Variants in MTG1 observed in about 807,000 individuals in gnomAD.
The protein encoded by MTG1 is mitochondrial ribosome-associated GTPase 1.
MTG1 carries 30 observed loss-of-function variants against 39.5 expected under a neutral mutation model. That is an observed-to-expected ratio of 0.76 (90% CI 0.57 to 1.03). MTG1 has a LOEUF of 1.03. Ranked by LOEUF, MTG1 falls within the 50% of genes least tolerant of loss-of-function variation. The probability of loss-of-function intolerance (pLI) is 0.00; values close to 1 mark genes in which losing one functional copy is unlikely to be tolerated. For synonymous variants in MTG1, 217 were observed against 179.0 expected, an observed-to-expected ratio of 1.21 and a Z score of -1.69; for missense variants, 513 against 447.4, an observed-to-expected ratio of 1.15 and a Z score of -1.32.
intron 9 of MTG1, among the ~76,000 whole-genome samples, chr10:133,409,349 G>A (rs1850012144): frequency 6.6e-6 from 1 of 152,136 alleles, no homozygotes; most frequent in African/African-American, 2.4e-5. Context: ...TGTAGTTTTT[G>A]AGGTTCCTCT....
intron 9 of MTG1, among the ~76,000 whole-genome samples, chr10:133,413,451 G>A (rs1173504938): frequency 2.0e-5 from 3 of 151,144 alleles, no homozygotes; most frequent in African/African-American, 4.9e-5. Flanking sequence ...TGGGAGTTTC[G>A]CCATGTTGGC....
chr10:133,399,329 G>C (rs1198777072), intron 5 of MTG1, 103 bp downstream of exon 5: 1 of 1,400,094 alleles, frequency 7.1e-7, no homozygotes, highest in South Asian at 1.2e-5. Flanking sequence ...CCCCAGGCAG[G>C]GAGGCCCCTC....
intron 9 of MTG1, among the ~76,000 whole-genome samples, chr10:133,406,765 A>C (rs1474426545): frequency 6.8e-6 from 1 of 147,916 alleles, no homozygotes; most frequent in Non-Finnish European, 1.5e-5. Flanking sequence ...TCCTGGGTTC[A>C]AGCAGTTCTC....
intron 3 of MTG1, 111 bp downstream of exon 3, chr10:133,396,378 C>G: frequency 2.1e-6 from 2 of 952,704 alleles, no homozygotes; most frequent in Non-Finnish European, 3.3e-6. Flanking sequence ...CCCAGGCAGG[C>G]TCTGCTTTAG....
chr10:133,418,084 G>C (rs892095438), intron 9 of MTG1, among the ~76,000 whole-genome samples: 1 of 152,158 alleles, frequency 6.6e-6, no homozygotes, highest in Non-Finnish European at 1.5e-5. Context: ...GCCCACTGCA[G>C]CCTCCACCTC....
chr10:133,404,310 A>G (rs1849936472), intron 9 of MTG1, among the ~76,000 whole-genome samples: 1 of 151,508 alleles, frequency 6.6e-6, no homozygotes, highest in Admixed American at 6.6e-5. Flanking sequence ...TATTTTTTGT[A>G]GAGACAGGGT....
At chr10:133,411,378 G>T (rs1213587282) in intron 9 of MTG1, among the ~76,000 whole-genome samples, 1 of 151,980 alleles carries the variant, frequency 6.6e-6, no homozygotes. Flanking sequence ...TTCTTTCTTT[G>T]TCCTTGACTT....
chr10:133,412,036 G>A (rs1353114420), intron 9 of MTG1, among the ~76,000 whole-genome samples: 8 of 152,060 alleles, frequency 5.3e-5, no homozygotes, highest in African/African-American at 1.4e-4. Flanking sequence ...TGCATTGAAG[G>A]ATTTGTTATC....
Position 133,400,887 on chromosome 10 carries a change from C to T in MTG1, c.512-642C>T, listed in dbSNP as rs149634797. ...CTGATGTCACCGATCGTGATGTCCT[C>T]AAGGTTCGTCTGTGTTGTCCTGAGT... On this transcript the variant is annotated intron_variant, in intron 6 of 10. Transcript: ENST00000317502. Among the ~76,000 whole-genome samples, 917 of 152,356 alleles carry T rather than the reference C, an allele frequency of 6.0e-3. 7 individuals are homozygous for T. The highest frequency in any genetic ancestry group is 0.017 in the South Asian group (81 of 4,828).
Position 133,402,844 on chromosome 10 carries a change from CA to C in MTG1, c.752+78del, listed in dbSNP as rs1232203802. ...ACCTCATTTAAAAAAAAAAAACAAA[CA>C]AAAAAACCCCCAGCATTATAAAGGT... On this transcript the variant is annotated intron_variant, in intron 9 of 10. Coordinates refer to ENST00000317502, the MANE Select transcript of MTG1 (RefSeq NM_138384.4). The surrounding 1 kb of genome is among the most constrained non-coding windows in gnomAD (Gnocchi z 4.7). 23 of 1,112,662 alleles carry C rather than the reference CA, an allele frequency of 2.1e-5. No individual in the cohort carries two copies. The highest frequency in any genetic ancestry group is 2.7e-5 in the Non-Finnish European group (21 of 777,612). The allele number at this position is 1,112,662 out of a possible 1,614,324, so 68.9% of individuals were successfully genotyped here.
chr10:133,406,672 T>TC (rs1231504322), intron 9 of MTG1, among the ~76,000 whole-genome samples: 1 of 148,716 alleles, frequency 6.7e-6, no homozygotes, highest in Non-Finnish European at 1.5e-5. Context: ...AGTCTTTTTT[T>TC]TTTTTTTTTT....
At chr10:133,415,175 ACCGTGGAGAGGGAGAGGGAGC>A (rs1244957340) in intron 9 of MTG1, among the ~76,000 whole-genome samples, 9 of 151,854 alleles carry the variant, frequency 5.9e-5, no homozygotes, top group African/African-American at 2.2e-4. Context: ...GGAGAGGGAG[ACCGTGGAGAGGGAGAGGGAGC>A]GGAGCGGGAG....
rs182461075 is a variant in MTG1, at chr10:133,411,978, G to A, written c.753-7502G>A. Among the ~76,000 whole-genome samples, 18 of 152,064 alleles carry A rather than the reference G, an allele frequency of 1.2e-4. No individual in the cohort carries two copies. In the East Asian group the frequency reaches 1.5e-3, roughly 13 times the overall value. ...TTTGCTTTGTCTGTTTGAGAAGGTCGCGGTTTTCCGTTAGCTGTTGTTTCT... is the reference window on the plus strand; with the variant it reads ...TTTGCTTTGTCTGTTTGAGAAGGTCACGGTTTTCCGTTAGCTGTTGTTTCT... On this transcript the variant is annotated intron_variant, in intron 9 of 10. Coordinates refer to ENST00000317502, the MANE Select transcript of MTG1 (RefSeq NM_138384.4).
chr10:133,410,534 T>A (rs1293148625), intron 9 of MTG1, among the ~76,000 whole-genome samples: 8 of 152,234 alleles, frequency 5.3e-5, no homozygotes, highest in Admixed American at 5.2e-4. Context: ...TTTAATTTGT[T>A]GCTTTGTATT....
At position 133,399,454 on chromosome 10, in the gene MTG1, G is replaced by T; in HGVS notation, c.421-75G>T. On this transcript the variant is annotated intron_variant, in intron 5 of 10. Transcript: ENST00000317502. ...AGCTGACCTGGCCTGGGGTCCCCTT[G>T]CCTGGGTGGGGTTGCAGAGTCTCAG... 2.7e-6 allele frequency: 4 copies of T among 1,478,290 alleles called. No individual in the cohort carries two copies. In the South Asian group the frequency reaches 4.6e-5, roughly 17 times the overall value. 91.6% of individuals were successfully genotyped at this position (1,478,290 alleles called of 1,614,324 possible).
rs149615012 is a variant in MTG1, at chr10:133,410,363, A to G, written c.752+7590A>G. 1.1e-3 allele frequency among the ~76,000 whole-genome samples: 169 copies of G among 152,186 alleles called. 2 individuals carry two copies. The highest frequency in any genetic ancestry group is 2.1e-3 in the Non-Finnish European group (141 of 68,014). ...TGAGCCACTGTGCCTGGCCTACTCT[A>G]TGTCTTTTAGTTGGAGAATATAGTA... On this transcript the variant is annotated intron_variant, in intron 9 of 10. Coordinates refer to ENST00000317502, the MANE Select transcript of MTG1 (RefSeq NM_138384.4).
At chr10:133,410,349 G>A (rs1266579597) in intron 9 of MTG1, among the ~76,000 whole-genome samples, 2 of 152,136 alleles carry the variant, frequency 1.3e-5, no homozygotes, top group South Asian at 2.1e-4. Context: ...GAGCCACTGT[G>A]CCTGGCCTAC....
chr10:133,410,085 G>A (rs1425807596), intron 9 of MTG1, among the ~76,000 whole-genome samples: 1 of 152,082 alleles, frequency 6.6e-6, no homozygotes, highest in Non-Finnish European at 1.5e-5. Context: ...TCACTCTGTT[G>A]CCCAGGCTGG....
intron 9 of MTG1, among the ~76,000 whole-genome samples, chr10:133,415,230 G>T (rs1411976449): frequency 1.3e-5 from 2 of 152,144 alleles, no homozygotes; most frequent in East Asian, 1.9e-4. Context: ...GGGAGCGGGC[G>T]CCCCTGTTTT....
Sources: allele counts gnomAD v4.1 joint callset (sites outside exome capture counted in the v4.1 genomes callset), GRCh38; gene constraint gnomAD v4.1.1; non-coding constraint Gnocchi (gnomAD v3.1); transcripts MANE v1.5; gene names NCBI Gene and HGNC (gene_info 2026-07-23, HGNC 2026-07-21).